CRY1: variants seen among roughly 807,000 people sequenced by gnomAD.
CRY1 encodes cryptochrome circadian regulator 1, also known as cryptochrome-1.
In CRY1, 45 loss-of-function variants were observed where a neutral mutation model predicts 76.0. That is an observed-to-expected ratio of 0.59 (90% CI 0.47 to 0.76). CRY1 has a LOEUF of 0.76. Ranked by LOEUF, CRY1 falls within the 30% of genes least tolerant of loss-of-function variation. CRY1 has a pLI of 0.00. For synonymous variants in CRY1, 248 were observed against 244.0 expected, an observed-to-expected ratio of 1.02 and a Z score of -0.15; for missense variants, 587 against 716.4, an observed-to-expected ratio of 0.82 and a Z score of 2.06.
At chr12:107,032,087 A>G (rs1007503036) in intron 1 of CRY1, among the ~76,000 whole-genome samples, 46 of 152,176 alleles carry the variant, frequency 3.0e-4, no homozygotes, top group African/African-American at 1.1e-3. Flanking sequence ...GGCATGCGCC[A>G]CCACGCCCGG....
rs531981800 is a variant in CRY1, at chr12:107,041,206, C to CA, written c.159-19015dup. Among the ~76,000 whole-genome samples, 993 of 138,986 alleles carry CA rather than the reference C, an allele frequency of 7.1e-3. 10 individuals are homozygous for CA. Among genetic ancestry groups the CA allele is most frequent in the African/African-American group, 0.022 (819 of 38,026 alleles). The allele number at this position is 138,986 out of a possible 152,430, so 91.2% of individuals were successfully genotyped here. The stretch of plus-strand genomic sequence containing the variant: ...AACATTTGGGCGTTTACTCAGGATA[C>CA]AAAAAAAAAAAATTCTACTCCTTAG... On this transcript the variant is annotated intron_variant, in intron 1 of 12. Coordinates refer to ENST00000008527, the MANE Select transcript of CRY1 (RefSeq NM_004075.5).
chr12:107,005,277 C>T (rs1165231701), intron 2 of CRY1, 29 bp from the exon 3 acceptor site: 18 of 1,563,220 alleles, frequency 1.2e-5, no homozygotes, highest in Non-Finnish European at 1.5e-5. Context: ...GAACAATGTA[C>T]ACCAATTGTA....
At chr12:107,063,111 A>T (rs1953067177) in intron 1 of CRY1, among the ~76,000 whole-genome samples, 1 of 152,214 alleles carries the variant, frequency 6.6e-6, no homozygotes, top group Admixed American at 6.5e-5. Flanking sequence ...GCAGTGAGGA[A>T]GATCTTGGAT....
intron 2 of CRY1, among the ~76,000 whole-genome samples, chr12:107,020,787 T>C (rs553917551): frequency 3.9e-5 from 6 of 152,196 alleles, no homozygotes; most frequent in African/African-American, 1.2e-4. Flanking sequence ...ACTAATACAG[T>C]AATAAATAGG....
intron 1 of CRY1, among the ~76,000 whole-genome samples, chr12:107,064,125 G>A (rs116301629): frequency 0.028 from 4,210 of 152,152 alleles, 80 homozygotes; most frequent in African/African-American, 0.056. Context: ...CGACCGGGAT[G>A]GAATACTATT....
At chr12:107,061,209 A>G (rs1709619641) in intron 1 of CRY1, among the ~76,000 whole-genome samples, 2 of 152,130 alleles carry the variant, frequency 1.3e-5, no homozygotes, top group Non-Finnish European at 2.9e-5. Flanking sequence ...TTTAATTAAT[A>G]ATAACAATGA....
chr12:107,027,034 C>T (rs1952624447), intron 1 of CRY1, among the ~76,000 whole-genome samples: 1 of 152,058 alleles, frequency 6.6e-6, no homozygotes, highest in African/African-American at 2.4e-5. Context: ...TATAATTTTT[C>T]CTTGATAATA....
chr12:106,999,878 A>C lies in CRY1; in HGVS notation c.826-16T>G, dbSNP rs1355211089. ...TCTTCTTTACCTATGGTTAAAAAGC[A>C]AAGAAGTATTATCAGAATTTTTTTT... is the stretch of plus-strand genomic sequence containing the variant. On this transcript the variant is annotated splice_polypyrimidine_tract_variant and intron_variant, in intron 6 of 12. Transcript: ENST00000008527. 1.3e-6 allele frequency: 2 copies of C among 1,596,634 alleles called. No individual in the cohort carries two copies. The highest frequency in any genetic ancestry group is 1.7e-6 in the Non-Finnish European group (2 of 1,174,506).
At chr12:107,023,446 T>C (rs759426175) in intron 1 of CRY1, among the ~76,000 whole-genome samples, 16 of 152,356 alleles carry the variant, frequency 1.1e-4, no homozygotes, top group Non-Finnish European at 2.1e-4. Context: ...ATTTCCATCA[T>C]TGCAGAAAGT....
chr12:107,029,445 C>A (rs1406140666), intron 1 of CRY1, among the ~76,000 whole-genome samples: 1 of 151,684 alleles, frequency 6.6e-6, no homozygotes, highest in Non-Finnish European at 1.5e-5. Context: ...TACAAAAAAA[C>A]TAGCTGGGCG....
At chr12:107,065,367 C>A (rs949401407) in intron 1 of CRY1, among the ~76,000 whole-genome samples, 2 of 151,854 alleles carry the variant, frequency 1.3e-5, no homozygotes, top group African/African-American at 4.8e-5. Context: ...CCAAGGCGGG[C>A]GGATAACCTG....
chr12:107,089,047 C>T (rs1187363561), intron 1 of CRY1, among the ~76,000 whole-genome samples: 1 of 152,268 alleles, frequency 6.6e-6, no homozygotes, highest in East Asian at 1.9e-4. Context: ...TTTTAAGGTT[C>T]ATTCATACAT....
chr12:107,061,412 G>A (rs931230642), intron 1 of CRY1, among the ~76,000 whole-genome samples: 1 of 148,618 alleles, frequency 6.7e-6, no homozygotes, highest in Non-Finnish European at 1.5e-5. Flanking sequence ...TCACTCTGTT[G>A]TCCAGGCTAG....
chr12:107,064,795 A>G (rs1953091289), intron 1 of CRY1, among the ~76,000 whole-genome samples: 1 of 152,244 alleles, frequency 6.6e-6, no homozygotes, highest in Admixed American at 6.5e-5. Flanking sequence ...AGTAAACTTC[A>G]AACAGTAAAC....
At chr12:107,003,740 A>T (rs927726646) in intron 3 of CRY1, among the ~76,000 whole-genome samples, 8 of 152,102 alleles carry the variant, frequency 5.3e-5, no homozygotes, top group Non-Finnish European at 7.3e-5. Flanking sequence ...AACATTTTCT[A>T]TATGTTACAT....
At chr12:107,031,592 T>C (rs941827584) in intron 1 of CRY1, among the ~76,000 whole-genome samples, 41 of 152,280 alleles carry the variant, frequency 2.7e-4, no homozygotes, top group African/African-American at 9.6e-4. Context: ...ACACCAGTGA[T>C]AGGTCAATCA....
intron 1 of CRY1, among the ~76,000 whole-genome samples, chr12:107,034,218 C>T (rs1303402859): frequency 6.6e-6 from 1 of 152,022 alleles, no homozygotes; most frequent in African/African-American, 2.4e-5. Context: ...AATTATAATG[C>T]ATTAGCAAGT....
intron 1 of CRY1, among the ~76,000 whole-genome samples, chr12:107,078,680 T>C (rs966110795): frequency 1.3e-5 from 2 of 152,204 alleles, no homozygotes; most frequent in African/African-American, 4.8e-5. Flanking sequence ...CCATTTCTCA[T>C]GTTGATATCT....
chr12:107,018,439 T>C (rs972090866), intron 2 of CRY1, among the ~76,000 whole-genome samples: 2 of 151,970 alleles, frequency 1.3e-5, no homozygotes, highest in Non-Finnish European at 2.9e-5. Flanking sequence ...ATACAAAAAT[T>C]AGCAAGGTGT....
Sources: allele counts gnomAD v4.1 joint callset (sites outside exome capture counted in the v4.1 genomes callset), GRCh38; gene constraint gnomAD v4.1.1; transcripts MANE v1.5; gene names NCBI Gene and HGNC (gene_info 2026-07-23, HGNC 2026-07-21).